NUTM1: variants seen among roughly 807,000 people sequenced by gnomAD.
NUTM1 encodes NUT midline carcinoma family member 1.
Under a neutral mutation model 88.7 loss-of-function variants are expected in NUTM1, and 39 were observed. That is an observed-to-expected ratio of 0.44 (90% CI 0.34 to 0.57). The LOEUF is 0.57. Ranked by LOEUF, NUTM1 falls within the 20% of genes least tolerant of loss-of-function variation. The pLI, the probability that NUTM1 is intolerant of heterozygous loss-of-function variation, is 0.01. For synonymous variants in NUTM1, 494 were observed against 538.0 expected, an observed-to-expected ratio of 0.92 and a Z score of 1.13; for missense variants, 1,350 against 1,414.5, an observed-to-expected ratio of 0.95 and a Z score of 0.73.
At position 34,356,510 on chromosome 15, in the gene NUTM1, A is replaced by G; in HGVS notation, c.2502A>G (p.Pro834=). Residue 834 remains proline, a synonymous_variant, in exon 8 of 8, where the codon CCA becomes CCG. Transcript: ENST00000537011. ...ALEKRNYCSL[P]GPLRANSPPL... The stretch of plus-strand genomic sequence containing the variant: ...AAAAGAGAAACTATTGCAGCTTGCC[A>G]GGACCTTTGAGGGCCAACAGCCCAC... 3 of 1,614,036 alleles carry G rather than the reference A, an allele frequency of 1.9e-6. No individual in the cohort carries two copies.
chr15:34,356,343 T>A lies in NUTM1; in HGVS notation c.2335T>A (p.Cys779Ser). The A allele has an allele frequency of 6.2e-7, 1 of 1,613,742 alleles. No homozygotes were observed. ...CATAGAGAGCTTCCAAGTTGAGAAGTGTGTAACTGAGTATCAGGAAGGCTG... is the reference window on the plus strand; with the variant it reads ...CATAGAGAGCTTCCAAGTTGAGAAGAGTGTAACTGAGTATCAGGAAGGCTG... Reference protein sequence around the residue: ...EVIESFQVEKCVTEYQEGCQG... With the variant: ...EVIESFQVEKSVTEYQEGCQG... Residue 779 changes from cysteine (C) to serine (S), a missense_variant, in exon 8 of 8, where the codon TGT becomes AGT. By Grantham distance (112) the Cys-to-Ser change is moderately radical (BLOSUM62 -1). This residue lies in a region of NUTM1 where 730 missense variants were observed against 728.8 expected (regional missense o/e 1.00). Transcript: ENST00000537011.
intron 1 of NUTM1, among the ~76,000 whole-genome samples, chr15:34,345,573 C>T (rs994217505): frequency 3.9e-5 from 6 of 152,134 alleles, no homozygotes; most frequent in African/African-American, 1.4e-4. Context: ...CTACAGTCAA[C>T]CTGCTGTTAA....
Position 34,348,677 on chromosome 15 carries a change from T to C in NUTM1, c.809T>C (p.Ile270Thr), listed in dbSNP as rs756016921. 2.5e-6 allele frequency: 4 copies of C among 1,584,666 alleles called. No homozygotes were observed. In the South Asian group the frequency reaches 4.4e-5, roughly 17 times the overall value. The change falls in exon 3 of 8, where the codon ATC becomes ACC. Residue 270 changes from isoleucine to threonine, a missense_variant and splice_region_variant. Physicochemically the swap from Ile to Thr is moderately conservative, Grantham distance 89. This residue lies in a region of NUTM1 where 399 missense variants were observed against 397.9 expected (regional missense o/e 1.00). Coordinates refer to ENST00000537011, the MANE Select transcript of NUTM1 (RefSeq NM_001284292.2). ...ACAGAAGCTCTTTCCTGTTTTCTTA[T>C]GTAAGTGGGGAGACCGGAGATTAAT... ...PDTEALSCFL[I>T]PVLRSLARLK...
At position 34,345,961 on chromosome 15, in the gene NUTM1, C is replaced by T; in HGVS notation, c.26C>T (p.Pro9Leu). 1 of 1,614,104 alleles carries T rather than the reference C, an allele frequency of 6.2e-7. No homozygotes were observed. Among genetic ancestry groups the T allele is most frequent in the Non-Finnish European group, 8.5e-7 (1 of 1,179,994 alleles). Residue 9 changes from proline to leucine, a missense_variant, in exon 2 of 8, where the codon CCT (proline) becomes CTT (leucine). Pro to Leu is a moderately conservative substitution (Grantham distance 98, BLOSUM62 -3). This residue lies in a region of NUTM1 where 399 missense variants were observed against 397.9 expected (regional missense o/e 1.00). Coordinates refer to ENST00000537011, the MANE Select transcript of NUTM1 (RefSeq NM_001284292.2). MVVTLGPG[P>L]DCLILEASRQ... The stretch of plus-strand genomic sequence containing the variant: ...AGCCAGGTTACTCTGGGTCCTGGAC[C>T]TGACTGCCTCATTCTGGAGGCTTCC...
chr15:34,349,604 C>T (rs1352677224), intron 3 of NUTM1, among the ~76,000 whole-genome samples: 3 of 152,178 alleles, frequency 2.0e-5, no homozygotes, highest in Admixed American at 1.3e-4. Context: ...CCCACTGTCC[C>T]TCTCAACTGC....
rs1259344603 is a variant in NUTM1, at chr15:34,356,940, C to T, written c.2932C>T (p.Gln978Ter). Reference protein sequence around the residue: ...LSKPKNLAPLQESQESYTTGT... With the variant: ...LSKPKNLAPL ...CAAGCCTAAAAACCTTGCTCCTTTA[C>T]AAGAGAGTCAGGAGTCTTACACAAC... The change falls in exon 8 of 8, where the codon CAA becomes TAA. Residue 978 changes from glutamine to a stop codon, truncating the protein, a stop_gained. Transcript: ENST00000537011. LOFTEE classifies it high-confidence loss of function. 1.2e-6 allele frequency: 2 copies of T among 1,613,650 alleles called. No individual in the cohort carries two copies. Among genetic ancestry groups the T allele is most frequent in the Non-Finnish European group, 1.7e-6 (2 of 1,179,986 alleles).
chr15:34,349,166 C>A (rs1241414068), intron 3 of NUTM1, among the ~76,000 whole-genome samples: 1 of 152,158 alleles, frequency 6.6e-6, no homozygotes, highest in East Asian at 1.9e-4. Context: ...TCCCTCTGCT[C>A]CCTCCACTCA....
Position 34,348,492 on chromosome 15 carries a change from A to G in NUTM1, c.624A>G (p.Pro208=). Residue 208 remains proline, a synonymous_variant, in exon 3 of 8, where the codon CCA becomes CCG. Transcript: ENST00000537011. ...TTGTGCCCCTGGAAAAAGCTTGGCC[A>G]GGGCCACATGGGACAACCGGGGAAG... The part of the protein sequence containing the change: ...VPIVPLEKAW[P]GPHGTTGEGG... The G allele has an allele frequency of 6.2e-7, 1 of 1,614,190 alleles. No homozygotes were observed. Among genetic ancestry groups the G allele is most frequent in the Non-Finnish European group, 8.5e-7 (1 of 1,180,000 alleles).
chr15:34,357,398 A>G lies in NUTM1; in HGVS notation c.3390A>G (p.Leu1130=). Residue 1130 remains leucine, a synonymous_variant, in exon 8 of 8, where the codon CTA becomes CTG. Coordinates refer to ENST00000537011, the MANE Select transcript of NUTM1 (RefSeq NM_001284292.2). The stretch of plus-strand genomic sequence containing the variant: ...TTGGGGTCCCCAGGGAGAAACCCCT[A>G]GCTCTGGGAGTAGTTCGACCCTCAC... ...AQLGVPREKP[L]ALGVVRPSQP... 1 of 1,614,210 alleles carries G rather than the reference A, an allele frequency of 6.2e-7. No homozygotes were observed. The highest frequency in any genetic ancestry group is 8.5e-7 in the Non-Finnish European group (1 of 1,180,042).
In NUTM1 at chr15:34,356,553, A is replaced by G. The variant is rs768341826; in HGVS notation, c.2545A>G (p.Asn849Asp). 6 of 1,613,954 alleles carry G rather than the reference A, an allele frequency of 3.7e-6. No homozygotes were observed. In the Admixed American group the frequency reaches 1.0e-4, roughly 27 times the overall value. The change falls in exon 8 of 8, where the codon AAT (asparagine) becomes GAT (aspartate). Residue 849 changes from asparagine (N) to aspartate (D), a missense_variant. By Grantham distance (23) the Asn-to-Asp change is conservative. Coordinates refer to ENST00000537011, the MANE Select transcript of NUTM1 (RefSeq NM_001284292.2). Reference sequence around the variant, plus strand: ...CAGCCCACCCTTGAGGTCCAAAGAAAATCAAGAACAGAGCTGTGAAACCGT... The same window carrying G: ...CAGCCCACCCTTGAGGTCCAAAGAAGATCAAGAACAGAGCTGTGAAACCGT... ...ANSPPLRSKE[N>D]QEQSCETVGH... is the part of the protein sequence containing the mutation.
At chr15:34,349,291 C>G (rs1036437982) in intron 3 of NUTM1, among the ~76,000 whole-genome samples, 1 of 152,220 alleles carries the variant, frequency 6.6e-6, no homozygotes. Context: ...CATTTAACAT[C>G]TTTGCCCTCA....
At chr15:34,345,226 G>A (rs1043353471) in intron 1 of NUTM1, among the ~76,000 whole-genome samples, 5 of 152,096 alleles carry the variant, frequency 3.3e-5, no homozygotes, top group Admixed American at 6.5e-5. Flanking sequence ...TGAAATAGTC[G>A]CCAGGAACCT....
At position 34,354,852 on chromosome 15, in the gene NUTM1, T is replaced by G. The variant is rs1371238582; in HGVS notation, c.1362+120T>G. 5 of 1,064,864 alleles carry G rather than the reference T, an allele frequency of 4.7e-6. No homozygotes were observed. In the East Asian group the frequency reaches 1.2e-4, roughly 25 times the overall value. 66.0% of individuals were successfully genotyped at this position (1,064,864 alleles called of 1,614,324 possible). On this transcript the variant is annotated intron_variant, in intron 6 of 7. Transcript: ENST00000537011. ...TAGGTTTTATTCTATAACTGAGTAA[T>G]GTGTGTGCATGCATCATCATGAGAA... is the stretch of plus-strand genomic sequence containing the variant.
chr15:34,356,992 A>T lies in NUTM1; in HGVS notation c.2984A>T (p.His995Leu), dbSNP rs1290045756. Residue 995 changes from histidine (H) to leucine (L), a missense_variant, in exon 8 of 8, where the codon CAC becomes CTC. His to Leu is a moderately conservative substitution (Grantham distance 99). This residue lies in a region of NUTM1 where 730 missense variants were observed against 728.8 expected (regional missense o/e 1.00). Transcript: ENST00000537011. Reference sequence around the variant, plus strand: ...GGGACTCCCAAAGCAACATCTTCTCACCAGGGCCTTGGAAGCACTTTGCCT... The same window carrying T: ...GGGACTCCCAAAGCAACATCTTCTCTCCAGGGCCTTGGAAGCACTTTGCCT... Reference protein sequence around the residue: ...TTGTPKATSSHQGLGSTLPRR... With the variant: ...TTGTPKATSSLQGLGSTLPRR... 8.7e-6 allele frequency: 14 copies of T among 1,612,924 alleles called. No homozygotes were observed. The highest frequency in any genetic ancestry group is 1.2e-5 in the Non-Finnish European group (14 of 1,179,242).
At chr15:34,347,883 TAAA>T (rs1890626810) in intron 2 of NUTM1, 83 bp from the exon 3 acceptor site, 2 of 659,768 alleles carry the variant, frequency 3.0e-6, no homozygotes, top group Admixed American at 7.3e-5. Flanking sequence ...AAAATAAAAA[TAAA>T]AATAAAAAAA....
Position 34,357,334 on chromosome 15 carries a change from C to CA in NUTM1, c.3327dup (p.Ala1110SerfsTer4). ...GGGAAGCGAGCTCTAGCTGGAGGTCCAGCCCCTACTGAAAAGACACCCCAC... is the reference window on the plus strand; with the variant it reads ...GGGAAGCGAGCTCTAGCTGGAGGTCCAAGCCCCTACTGAAAAGACACCCCAC... On this transcript the variant is annotated frameshift_variant, in exon 8 of 8. Coordinates refer to ENST00000537011, the MANE Select transcript of NUTM1 (RefSeq NM_001284292.2). LOFTEE classifies it high-confidence loss of function. The CA allele has an allele frequency of 6.2e-7, 1 of 1,614,172 alleles. No homozygotes were observed. The highest frequency in any genetic ancestry group is 8.5e-7 in the Non-Finnish European group (1 of 1,180,020).
chr15:34,345,628 T>C (rs1466012083), intron 1 of NUTM1, among the ~76,000 whole-genome samples: 1 of 152,108 alleles, frequency 6.6e-6, no homozygotes, highest in East Asian at 1.9e-4. Context: ...GGACACAAAA[T>C]GAGATATGTT....
intron 3 of NUTM1, 68 bp downstream of exon 3, chr15:34,348,745 A>G: frequency 1.7e-6 from 2 of 1,190,392 alleles, no homozygotes; most frequent in East Asian, 2.3e-5. Flanking sequence ...GGGTGAACAT[A>G]GTAGTTTAGG....
In NUTM1 at chr15:34,348,395, T is replaced by G. The variant is rs763614713; in HGVS notation, c.527T>G (p.Val176Gly). 1.2e-5 allele frequency: 20 copies of G among 1,614,116 alleles called. No individual in the cohort carries two copies. Among genetic ancestry groups the G allele is most frequent in the Non-Finnish European group, 1.7e-5 (20 of 1,180,036 alleles). Residue 176 changes from valine (V) to glycine (G), a missense_variant, in exon 3 of 8, where the codon GTT becomes GGT. Around this residue, in one of 5 missense-constraint regions of NUTM1, gnomAD observed 399 missense variants for 397.9 expected, o/e 1.00. Coordinates refer to ENST00000537011, the MANE Select transcript of NUTM1 (RefSeq NM_001284292.2). The part of the protein sequence containing the change: ...NVKTILPSKA[V>G]GVSQEGPPGL... ...AAGACCATTCTGCCCTCTAAGGCTGTTGGTGTCAGCCAGGAGGGTCCTCCA... is the reference window on the plus strand; with the variant it reads ...AAGACCATTCTGCCCTCTAAGGCTGGTGGTGTCAGCCAGGAGGGTCCTCCA...
Sources: gnomAD v4.1 joint callset for allele counts (sites outside exome capture counted in the v4.1 genomes callset) on GRCh38, gnomAD v4.1.1 for gene constraint, gnomAD v4.1.1 regional missense constraint, MANE v1.5 for transcripts, NCBI Gene and HGNC (gene_info 2026-07-23, HGNC 2026-07-21) for gene names.